The following CYP20A1 variants were observed in gnomAD, a reference collection of about 807,000 sequenced individuals.
CYP20A1 encodes the protein cytochrome P450 20A1.
Under a neutral mutation model 61.4 loss-of-function variants are expected in CYP20A1, and 61 were observed. The observed-to-expected ratio is 0.99, with a 90% CI of 0.81 to 1.23. The LOEUF (loss-of-function observed/expected upper bound fraction) is 1.23, where lower values mean the gene tolerates loss of function less well. Among genes scored for constraint, CYP20A1 ranks in the 50% most tolerant of loss-of-function variants. CYP20A1 has a pLI of 0.00. For missense variants in CYP20A1, 530 were observed against 542.4 expected (o/e 0.98, Z 0.23); for synonymous variants, 193 against 188.2 (o/e 1.03, Z -0.21).
intron 1 of CYP20A1, among the ~76,000 whole-genome samples, chr2:203,241,473 C>G (rs866658654): frequency 5.9e-5 from 9 of 152,250 alleles, no homozygotes; most frequent in Non-Finnish European, 1.0e-4. Flanking sequence ...GTCCCAGGGA[C>G]CATTCCCTGG....
intron 1 of CYP20A1, 38 bp downstream of exon 1, chr2:203,239,172 G>C: frequency 6.4e-7 from 1 of 1,560,668 alleles, no homozygotes; most frequent in South Asian, 1.1e-5. Flanking sequence ...CCCGGGCGCC[G>C]CCCCAGTCTC....
At position 203,303,263 on chromosome 2, in the gene CYP20A1, C is replaced by G. The variant is rs1390702368; in HGVS notation, c.*6355C>G. The stretch of plus-strand genomic sequence containing the variant: ...CAGGTGATTCACACCCCTTGGCCTC[C>G]TGAAGTGCTGGGATTACAGGCATGA... On this transcript the variant is annotated 3_prime_UTR_variant, in exon 13 of 13. Transcript: ENST00000356079. Among the ~76,000 whole-genome samples the G allele has an allele frequency of 6.6e-6, 1 of 151,666 alleles. No individual in the cohort carries two copies. The highest frequency in any genetic ancestry group is 2.4e-5 in the African/African-American group (1 of 41,274).
At position 203,305,255 on chromosome 2, in the gene CYP20A1, C is replaced by T. The variant is rs2069172764; in HGVS notation, c.*8347C>T. ...CTCCCTCTGTCACCAGGCTGGAGTG[C>T]AGTGGTGCAATCTCAGCTCACTGCA... On this transcript the variant is annotated 3_prime_UTR_variant, in exon 13 of 13. Coordinates refer to ENST00000356079, the MANE Select transcript of CYP20A1 (RefSeq NM_177538.3). Among the ~76,000 whole-genome samples the T allele has an allele frequency of 7.7e-6, 1 of 129,518 alleles. No individual in the cohort carries two copies. 85.0% of individuals were successfully genotyped at this position (129,518 alleles called of 152,430 possible).
intron 4 of CYP20A1, among the ~76,000 whole-genome samples, chr2:203,255,831 C>T (rs536826462): frequency 1.6e-4 from 25 of 152,164 alleles, no homozygotes; most frequent in African/African-American, 5.3e-4. Context: ...ATTCCCATTG[C>T]GTGGAATGCA....
At chr2:203,279,567 A>G (rs1458507895) in intron 7 of CYP20A1, among the ~76,000 whole-genome samples, 2 of 152,132 alleles carry the variant, frequency 1.3e-5, no homozygotes, top group Non-Finnish European at 2.9e-5. Context: ...CTTCTGCCTC[A>G]CTATACACAT....
rs1444611201 is a variant in CYP20A1 at position 203,303,986 on chromosome 2, AAAGTGGGCGTAT to A, written c.*7081_*7092del. Among the ~76,000 whole-genome samples the A allele has an allele frequency of 6.6e-6, 1 of 152,002 alleles. No individual in the cohort carries two copies. The highest frequency in any genetic ancestry group is 1.5e-5 in the Non-Finnish European group (1 of 68,008). On this transcript the variant is annotated 3_prime_UTR_variant, in exon 13 of 13. Transcript: ENST00000356079. ...TGTAATCCCAGCACTTTGGGAGTCC[AAAGTGGGCGTAT>A]AACTTGAGGTCAGGAGTTCAAGAAC... is the stretch of plus-strand genomic sequence containing the variant.
In CYP20A1 at chr2:203,243,509, T is replaced by C. The variant is rs566549049; in HGVS notation, c.73-2337T>C. Among the ~76,000 whole-genome samples the C allele has an allele frequency of 9.3e-4, 142 of 152,052 alleles. 1 individual carries two copies. Among genetic ancestry groups the C allele is most frequent in the Admixed American group, 1.8e-3 (28 of 15,246 alleles). ...GGGCTCAAATCCCGCCTCAGCCTCC[T>C]GAGTAGCTGGCATTACAGCACCCAC... On this transcript the variant is annotated intron_variant, in intron 1 of 12. Transcript: ENST00000356079.
At position 203,304,343 on chromosome 2, in the gene CYP20A1, G is replaced by T. The variant is rs564850977; in HGVS notation, c.*7435G>T. ...CTCCCGAGTAGCTGCGACTACAGGC[G>T]AGTGCCTCCATGCCCAGCTAATTTT... On this transcript the variant is annotated 3_prime_UTR_variant, in exon 13 of 13. Coordinates refer to ENST00000356079, the MANE Select transcript of CYP20A1 (RefSeq NM_177538.3). Among the ~76,000 whole-genome samples, 1 of 152,078 alleles carries T rather than the reference G, an allele frequency of 6.6e-6. No homozygotes were observed. Among genetic ancestry groups the T allele is most frequent in the Non-Finnish European group, 1.5e-5 (1 of 68,004 alleles).
At position 203,299,800 on chromosome 2, in the gene CYP20A1, G is replaced by T. The variant is rs1164827167; in HGVS notation, c.*2892G>T. Among the ~76,000 whole-genome samples, 2 of 152,028 alleles carry T rather than the reference G, an allele frequency of 1.3e-5. No individual in the cohort carries two copies. Among genetic ancestry groups the T allele is most frequent in the African/African-American group, 4.8e-5 (2 of 41,390 alleles). On this transcript the variant is annotated 3_prime_UTR_variant, in exon 13 of 13. Transcript: ENST00000356079. ...GAAGCAGGAGAACTGCTTGAACCTG[G>T]GAGGCAGAGGTTGCGGTGAGCCAAG...
chr2:203,255,863 A>C (rs2066876133), intron 4 of CYP20A1, among the ~76,000 whole-genome samples: 1 of 152,130 alleles, frequency 6.6e-6, no homozygotes, highest in South Asian at 2.1e-4. Flanking sequence ...CCACACACCA[A>C]GCTAATGTGT....
In CYP20A1 at chr2:203,305,997, T is replaced by C. The variant is rs1329308432; in HGVS notation, c.*9089T>C. Among the ~76,000 whole-genome samples the C allele has an allele frequency of 6.6e-6, 1 of 152,206 alleles. No homozygotes were observed. Among genetic ancestry groups the C allele is most frequent in the African/African-American group, 2.4e-5 (1 of 41,464 alleles). On this transcript the variant is annotated 3_prime_UTR_variant, in exon 13 of 13. Coordinates refer to ENST00000356079, the MANE Select transcript of CYP20A1 (RefSeq NM_177538.3). ...TGAACATAGATTTATAATATAGTAC[T>C]ATACAAAATACAACTAAAATAGTTG...
chr2:203,246,661 CATTT>C (rs2105899074), intron 2 of CYP20A1, 90 bp from the exon 3 acceptor site: 1 of 1,129,436 alleles, frequency 8.9e-7, no homozygotes, highest in East Asian at 2.6e-5. Flanking sequence ...CCTTTGTTCT[CATTT>C]ATTGATACAG....
chr2:203,290,098 G>A (rs1011520926), intron 10 of CYP20A1, among the ~76,000 whole-genome samples: 4 of 152,006 alleles, frequency 2.6e-5, no homozygotes, highest in African/African-American at 9.7e-5. Flanking sequence ...CCGCCACCAT[G>A]GCCAGCTAAT....
At chr2:203,291,005 T>G (rs2068509973) in intron 10 of CYP20A1, among the ~76,000 whole-genome samples, 1 of 152,136 alleles carries the variant, frequency 6.6e-6, no homozygotes, top group African/African-American at 2.4e-5. Flanking sequence ...TTTTTTTAAT[T>G]ATATACTGGT....
chr2:203,252,385 T>G (rs1329808750), intron 4 of CYP20A1, among the ~76,000 whole-genome samples: 3 of 151,810 alleles, frequency 2.0e-5, no homozygotes, highest in African/African-American at 4.8e-5. Context: ...TATATATATA[T>G]ATATATTTTG....
chr2:203,254,653 CATTGT>C (rs1487033016), intron 4 of CYP20A1, among the ~76,000 whole-genome samples: 3 of 151,460 alleles, frequency 2.0e-5, no homozygotes, highest in Non-Finnish European at 4.4e-5. Flanking sequence ...TTTTATTTAC[CATTGT>C]ATTGTAAGCA....
intron 4 of CYP20A1, among the ~76,000 whole-genome samples, chr2:203,258,099 C>T (rs2066992593): frequency 9.2e-6 from 1 of 108,526 alleles, no homozygotes. Context: ...GATGCGGTCA[C>T]ACTATATTTC....
intron 5 of CYP20A1, among the ~76,000 whole-genome samples, chr2:203,271,306 T>C (rs913178290): frequency 1.3e-5 from 2 of 151,056 alleles, no homozygotes; most frequent in African/African-American, 4.9e-5. Context: ...GCCAGGATGG[T>C]CTTGAACTCC....
chr2:203,263,116 G>C (rs899224777), intron 4 of CYP20A1, among the ~76,000 whole-genome samples: 1 of 151,730 alleles, frequency 6.6e-6, no homozygotes, highest in African/African-American at 2.4e-5. Context: ...AGCCGCCCTA[G>C]TAGCTGGGAT....
Sources: allele counts gnomAD v4.1 joint callset (sites outside exome capture counted in the v4.1 genomes callset), GRCh38; gene constraint gnomAD v4.1.1; transcripts MANE v1.5; gene names NCBI Gene and HGNC (gene_info 2026-07-23, HGNC 2026-07-21).